COL5A2: variants seen among roughly 807,000 people sequenced by gnomAD.
COL5A2 encodes collagen alpha-2(V) chain.
Under a neutral mutation model 208.2 loss-of-function variants are expected in COL5A2, and 23 were observed. That is an observed-to-expected ratio of 0.11 (90% CI 0.08 to 0.16). The LOEUF (loss-of-function observed/expected upper bound fraction) is 0.16. COL5A2 is among the 10% of genes least tolerant of loss of function. The probability of loss-of-function intolerance (pLI) is 1.00; values close to 1 mark genes in which losing one functional copy is unlikely to be tolerated. For synonymous variants in COL5A2, 625 were observed against 628.5 expected, an observed-to-expected ratio of 0.99 and a Z score of 0.08; for missense variants, 1,590 against 1,956.4, an observed-to-expected ratio of 0.81 and a Z score of 3.53.
At chr2:189,157,865 T>C (rs1249452062) in intron 1 of COL5A2, among the ~76,000 whole-genome samples, 3 of 152,040 alleles carry the variant, frequency 2.0e-5, no homozygotes, top group Non-Finnish European at 4.4e-5. Flanking sequence ...GTCATACATA[T>C]ATTATTTGTT....
At position 189,051,908 on chromosome 2, in the gene COL5A2, T is replaced by C. The variant is rs7423988; in HGVS notation, c.2769+264A>G. On this transcript the variant is annotated intron_variant, in intron 41 of 53. Transcript: ENST00000374866. The stretch of plus-strand genomic sequence containing the variant: ...GAAGAGAATGATTATTAGCACATAA[T>C]ACTGTAAGTATTCAGTATTTAAACG... Among the ~76,000 whole-genome samples the C allele has an allele frequency of 4.8e-3, 728 of 152,278 alleles. 5 individuals carry two copies. The highest frequency in any genetic ancestry group is 0.017 in the African/African-American group (700 of 41,550).
At chr2:189,049,738 C>A (rs1017645771) in intron 43 of COL5A2, among the ~76,000 whole-genome samples, 1 of 152,148 alleles carries the variant, frequency 6.6e-6, no homozygotes, top group Admixed American at 6.5e-5. Flanking sequence ...ATTCTAGCTG[C>A]CCTTCTGGAA....
chr2:189,434,095 T>C, the COL5A2 span, among the ~76,000 whole-genome samples: 2 of 151,926 alleles, frequency 1.3e-5, no homozygotes, highest in East Asian at 1.9e-4. Context: ...ATGATCTCAA[T>C]AGACGCAGAA....
Position 189,042,045 on chromosome 2 carries a change from T to G in COL5A2, c.3526-352A>C, listed in dbSNP as rs112745554. 8.5e-5 allele frequency among the ~76,000 whole-genome samples: 13 copies of G among 152,366 alleles called. 1 individual carries two copies. The highest frequency in any genetic ancestry group is 2.6e-4 in the African/African-American group (11 of 41,596). On this transcript the variant is annotated intron_variant, in intron 49 of 53. Transcript: ENST00000374866. The stretch of plus-strand genomic sequence containing the variant: ...AGAAGTTGGAGTGTTTAAGTGAAAT[T>G]TCTGTGCTTATGCCTCAGAATGCCA...
intron 1 of COL5A2, among the ~76,000 whole-genome samples, chr2:189,143,734 AAG>A (rs1490049390): frequency 1.3e-5 from 2 of 152,166 alleles, no homozygotes; most frequent in East Asian, 1.9e-4. Flanking sequence ...CAAACAATGA[AAG>A]AGAGACGTGT....
At chr2:189,088,192 G>A (rs1438166138) in intron 8 of COL5A2, among the ~76,000 whole-genome samples, 1 of 152,184 alleles carries the variant, frequency 6.6e-6, no homozygotes, top group Non-Finnish European at 1.5e-5. Flanking sequence ...TCTTTCTGAT[G>A]TTGAAGAAAT....
intron 1 of COL5A2, among the ~76,000 whole-genome samples, chr2:189,140,672 C>G (rs565137240): frequency 2.2e-4 from 34 of 151,980 alleles, no homozygotes; most frequent in African/African-American, 8.0e-4. Flanking sequence ...TATCTGTATC[C>G]CCTCCCCTTC....
the COL5A2 span, among the ~76,000 whole-genome samples, chr2:189,421,443 G>C: frequency 6.6e-6 from 1 of 152,150 alleles, no homozygotes; most frequent in Admixed American, 6.5e-5. Flanking sequence ...AAGACACACT[G>C]AGGAGAGTAG....
At chr2:189,269,402 G>A in the COL5A2 span, among the ~76,000 whole-genome samples, 3 of 152,184 alleles carry the variant, frequency 2.0e-5, no homozygotes, top group South Asian at 4.1e-4. Context: ...ATTATTTTGA[G>A]ATACATTCCA....
chr2:189,167,558 T>C (rs1009840083), intron 1 of COL5A2, among the ~76,000 whole-genome samples: 3 of 152,070 alleles, frequency 2.0e-5, no homozygotes, highest in Non-Finnish European at 4.4e-5. Flanking sequence ...TCAGCTACAC[T>C]ATGCTTAAGA....
chr2:189,409,807 A>T, the COL5A2 span, among the ~76,000 whole-genome samples: 2 of 152,226 alleles, frequency 1.3e-5, no homozygotes, highest in African/African-American at 4.8e-5. Context: ...TCACTCAAGC[A>T]GACTTGAAAA....
chr2:189,354,684 G>A, the COL5A2 span, among the ~76,000 whole-genome samples: 3 of 151,944 alleles, frequency 2.0e-5, no homozygotes, highest in Non-Finnish European at 4.4e-5. Flanking sequence ...TGCTTTATTA[G>A]TCTTGCTGGC....
In COL5A2 at chr2:189,088,767, A is replaced by C. The variant is rs962042036; in HGVS notation, c.573T>G (p.Phe191Leu). 1.9e-6 allele frequency: 3 copies of C among 1,613,926 alleles called. No individual in the cohort carries two copies. The highest frequency in any genetic ancestry group is 2.5e-6 in the Non-Finnish European group (3 of 1,179,838). ...CATCCAACCCAGCCATTTGAGCTGA[A>C]AACGGCTGTAAAAGCGATATGTTGA... ...HPGPDGLSRPFSAQMAGLDEK... is the reference protein window; with the variant it reads ...HPGPDGLSRPLSAQMAGLDEK... The change falls in exon 8 of 54, where the codon TTT becomes TTG. Residue 191 changes from phenylalanine (F) to leucine (L), a missense_variant. Coordinates refer to ENST00000374866, the MANE Select transcript of COL5A2 (RefSeq NM_000393.5).
At chr2:189,433,057 T>C in the COL5A2 span, among the ~76,000 whole-genome samples, 1 of 152,166 alleles carries the variant, frequency 6.6e-6, no homozygotes, top group Non-Finnish European at 1.5e-5. Flanking sequence ...ACATGGAAAT[T>C]GAACAACCTG....
intron 1 of COL5A2, among the ~76,000 whole-genome samples, chr2:189,131,081 G>T (rs924309213): frequency 5.3e-5 from 8 of 152,036 alleles, no homozygotes; most frequent in African/African-American, 1.9e-4. Flanking sequence ...GAATTGAGAG[G>T]AGAGCGGGGA....
At chr2:189,225,283 T>C (rs754556771) in exon 1 of COL5A2, among the ~76,000 whole-genome samples, 27 of 152,086 alleles carry the variant, frequency 1.8e-4, no homozygotes, top group Non-Finnish European at 3.4e-4. Flanking sequence ...CACAGATGAG[T>C]GGCAGGTGGC....
At chr2:189,379,753 A>T in the COL5A2 span, among the ~76,000 whole-genome samples, 2 of 152,122 alleles carry the variant, frequency 1.3e-5, no homozygotes, top group African/African-American at 4.8e-5. Flanking sequence ...GAGATATATA[A>T]CTCCAAGCTC....
the COL5A2 span, among the ~76,000 whole-genome samples, chr2:189,329,081 C>T: frequency 6.6e-6 from 1 of 152,088 alleles, no homozygotes. Context: ...ACCAAGTTTC[C>T]ATCGATGGGG....
the COL5A2 span, among the ~76,000 whole-genome samples, chr2:189,436,278 G>T: frequency 6.6e-6 from 1 of 152,040 alleles, no homozygotes; most frequent in Non-Finnish European, 1.5e-5. Context: ...AACCAAAATT[G>T]ACAAATGGGA....
Sources: gnomAD v4.1 joint callset for allele counts (sites outside exome capture counted in the v4.1 genomes callset) on GRCh38, gnomAD v4.1.1 for gene constraint, MANE v1.5 for transcripts, NCBI Gene and HGNC (gene_info 2026-07-23, HGNC 2026-07-21) for gene names.